GPC5: variants seen among roughly 807,000 people sequenced by gnomAD.
The protein encoded by GPC5 is glypican-5.
In GPC5, 47 loss-of-function variants were observed where a neutral mutation model predicts 53.9. That is an observed-to-expected ratio of 0.87 (90% CI 0.69 to 1.11). The LOEUF is 1.11. GPC5 is among the 50% of genes most tolerant of loss of function. The probability of loss-of-function intolerance (pLI) is 0.00; values close to 1 mark genes in which losing one functional copy is unlikely to be tolerated. For missense variants in GPC5, 748 were observed against 713.1 expected (o/e 1.05, Z -0.56); for synonymous variants, 286 against 263.3 (o/e 1.09, Z -0.84).
intron 7 of GPC5, among the ~76,000 whole-genome samples, chr13:92,406,618 A>G (rs571177862): frequency 3.3e-5 from 5 of 152,334 alleles, no homozygotes; most frequent in Admixed American, 3.3e-4. Context: ...GCCCCCTCAC[A>G]GCATAAAAGT....
intron 7 of GPC5, among the ~76,000 whole-genome samples, chr13:92,316,582 C>G (rs1421710807): frequency 6.6e-6 from 1 of 151,992 alleles, no homozygotes; most frequent in African/African-American, 2.4e-5. Context: ...TGAGTTCTGC[C>G]TATTAATTTT....
intron 2 of GPC5, among the ~76,000 whole-genome samples, chr13:91,546,789 T>C (rs530492811): frequency 6.6e-6 from 1 of 152,074 alleles, no homozygotes; most frequent in Admixed American, 6.5e-5. Flanking sequence ...TTGAAAATCA[T>C]TGAAAGAAGC....
At chr13:92,593,434 G>T (rs1198909500) in intron 7 of GPC5, among the ~76,000 whole-genome samples, 2 of 151,086 alleles carry the variant, frequency 1.3e-5, no homozygotes, top group East Asian at 3.9e-4. Context: ...TTCTTTTTCT[G>T]GAAACATAAA....
intron 7 of GPC5, among the ~76,000 whole-genome samples, chr13:92,319,119 G>C (rs2043198908): frequency 6.6e-6 from 1 of 152,100 alleles, no homozygotes; most frequent in South Asian, 2.1e-4. Context: ...GTCTCAGCCA[G>C]GGCAGCAGTA....
intron 7 of GPC5, among the ~76,000 whole-genome samples, chr13:92,758,049 A>T (rs966202217): frequency 6.6e-6 from 1 of 150,662 alleles, no homozygotes; most frequent in Non-Finnish European, 1.5e-5. Context: ...TTATTGTGGC[A>T]CTATTCACAA....
At chr13:91,819,607 T>G (rs1228474504) in intron 5 of GPC5, among the ~76,000 whole-genome samples, 3 of 152,234 alleles carry the variant, frequency 2.0e-5, no homozygotes, top group Non-Finnish European at 4.4e-5. Flanking sequence ...TTCATTTTAA[T>G]TGCTGAATAT....
chr13:92,626,149 T>C lies in GPC5; in HGVS notation c.1562-240133T>C, dbSNP rs556068146. ...CTATACTTACAATACTCAGATTATA[T>C]AGTAATACTTCTGATGAAGCTAAAA... On this transcript the variant is annotated intron_variant, in intron 7 of 7. Transcript: ENST00000377067. 1.6e-4 allele frequency among the ~76,000 whole-genome samples: 24 copies of C among 152,368 alleles called. No individual in the cohort carries two copies. The Middle Eastern group carries it at 0.014, about 86-fold the overall frequency.
chr13:91,430,082 CT>C (rs1879336746), intron 1 of GPC5, among the ~76,000 whole-genome samples: 1 of 152,072 alleles, frequency 6.6e-6, no homozygotes, highest in African/African-American at 2.4e-5. Flanking sequence ...TAACATTTTT[CT>C]TTTTCTTTTT....
chr13:91,962,829 C>T (rs990289528), intron 6 of GPC5, among the ~76,000 whole-genome samples: 4 of 152,102 alleles, frequency 2.6e-5, no homozygotes, highest in South Asian at 2.1e-4. Flanking sequence ...TGGTAGAGGT[C>T]ATATAATAGT....
chr13:91,555,682 A>C (rs931858224), intron 2 of GPC5, among the ~76,000 whole-genome samples: 2 of 152,066 alleles, frequency 1.3e-5, no homozygotes. Flanking sequence ...TTTGTAAAGA[A>C]AAAGAGGTTA....
Position 92,860,369 on chromosome 13 carries a change from C to T in GPC5, c.1562-5913C>T, listed in dbSNP as rs114727916. Among the ~76,000 whole-genome samples, 1,370 of 152,168 alleles carry T rather than the reference C, an allele frequency of 9.0e-3. 23 individuals carry two copies. The highest frequency in any genetic ancestry group is 0.032 in the African/African-American group (1,310 of 41,526). The stretch of plus-strand genomic sequence containing the variant: ...CCTTGTATCTTTAGCCATACAGTCA[C>T]TCTTCTTTGGTTCTCGGGTTATACA... On this transcript the variant is annotated intron_variant, in intron 7 of 7. Coordinates refer to ENST00000377067, the MANE Select transcript of GPC5 (RefSeq NM_004466.6).
At chr13:91,585,583 CA>C (rs1292366516) in intron 2 of GPC5, among the ~76,000 whole-genome samples, 1 of 151,690 alleles carries the variant, frequency 6.6e-6, no homozygotes, top group African/African-American at 2.4e-5. Flanking sequence ...CAAAAATATG[CA>C]AAAAAAATCT....
At chr13:91,824,828 A>C (rs2038550976) in intron 5 of GPC5, among the ~76,000 whole-genome samples, 1 of 152,114 alleles carries the variant, frequency 6.6e-6, no homozygotes, top group African/African-American at 2.4e-5. Flanking sequence ...AACTTTATTA[A>C]ATAGTTATTA....
At chr13:92,510,347 C>T (rs1161299100) in intron 7 of GPC5, among the ~76,000 whole-genome samples, 2 of 152,064 alleles carry the variant, frequency 1.3e-5, no homozygotes, top group Non-Finnish European at 2.9e-5. Context: ...AACTTAACAA[C>T]CTCTTAAGAT....
At chr13:92,082,285 T>G (rs528220307) in intron 6 of GPC5, among the ~76,000 whole-genome samples, 20 of 152,310 alleles carry the variant, frequency 1.3e-4, no homozygotes, top group African/African-American at 4.3e-4. Context: ...TTTGTTGTAC[T>G]GTTCTTTTAT....
At chr13:92,302,056 T>C (rs1211383592) in intron 7 of GPC5, among the ~76,000 whole-genome samples, 1 of 152,228 alleles carries the variant, frequency 6.6e-6, no homozygotes, top group African/African-American at 2.4e-5. Flanking sequence ...CTTAAGCCAG[T>C]TGAATATATA....
intron 7 of GPC5, among the ~76,000 whole-genome samples, chr13:92,763,136 G>A (rs1172456841): frequency 1.3e-5 from 2 of 152,014 alleles, no homozygotes; most frequent in East Asian, 1.9e-4. Context: ...AATTACTGGA[G>A]AATTATTTTA....
rs1594075901 is a variant in GPC5 at position 92,293,418 on chromosome 13, GTTTCT to G, written c.1561+148433_1561+148437del. Among the ~76,000 whole-genome samples, 11 of 89,330 alleles carry G rather than the reference GTTTCT, an allele frequency of 1.2e-4. No individual in the cohort carries two copies. The East Asian group carries it at 2.3e-3, about 19-fold the overall frequency. The allele number at this position is 89,330 out of a possible 152,430, so 58.6% of individuals were successfully genotyped here. A position where few individuals can be genotyped will look rare whatever the true frequency, so the allele number is the denominator to read the frequency against. ...GTATACTCCTAAGGTTGGTTGGTTG[GTTTCT>G]TTTTTTTTTTTTTTTTTTTTTTTTT... On this transcript the variant is annotated intron_variant, in intron 7 of 7. Transcript: ENST00000377067.
chr13:91,587,960 C>T (rs1321511414), intron 2 of GPC5, among the ~76,000 whole-genome samples: 2 of 152,134 alleles, frequency 1.3e-5, no homozygotes, highest in African/African-American at 2.4e-5. Context: ...ACTCAGTACT[C>T]ATAATGTGGA....
Sources: gnomAD v4.1 joint callset for allele counts (sites outside exome capture counted in the v4.1 genomes callset) on GRCh38, gnomAD v4.1.1 for gene constraint, MANE v1.5 for transcripts, NCBI Gene and HGNC (gene_info 2026-07-23, HGNC 2026-07-21) for gene names.